The following ALS2 variants were observed in gnomAD, a reference collection of about 807,000 sequenced individuals.
The protein encoded by ALS2 is alsin.
Under a neutral mutation model 203.4 loss-of-function variants are expected in ALS2, and 117 were observed. That is an observed-to-expected ratio of 0.58 (90% CI 0.50 to 0.67). The LOEUF (loss-of-function observed/expected upper bound fraction) is 0.67. ALS2 is among the 30% of genes least tolerant of loss of function. The pLI is 0.00. For missense variants in ALS2, 1,715 were observed against 1,989.4 expected (o/e 0.86, Z 2.62); for synonymous variants, 718 against 725.9 (o/e 0.99, Z 0.17).
At chr2:201,729,865 G>A (rs1691438597) in intron 13 of ALS2, among the ~76,000 whole-genome samples, 1 of 117,808 alleles carries the variant, frequency 8.5e-6, no homozygotes, top group Non-Finnish European at 1.6e-5. Context: ...GGGCAACAGA[G>A]CGAGACTCCG....
At chr2:201,707,397 T>G (rs1689781003) in intron 28 of ALS2, among the ~76,000 whole-genome samples, 1 of 151,896 alleles carries the variant, frequency 6.6e-6, no homozygotes, top group African/African-American at 2.4e-5. Flanking sequence ...TTGAGAGAAC[T>G]AAGAGGGACC....
At chr2:201,773,216 T>C (rs1049641192) in intron 1 of ALS2, among the ~76,000 whole-genome samples, 1 of 152,222 alleles carries the variant, frequency 6.6e-6, no homozygotes, top group African/African-American at 2.4e-5. Flanking sequence ...ACCAATTTTA[T>C]GGTGAACACT....
At chr2:201,768,285 T>C (rs762909193) in intron 2 of ALS2, among the ~76,000 whole-genome samples, 1 of 152,226 alleles carries the variant, frequency 6.6e-6, no homozygotes, top group Non-Finnish European at 1.5e-5. Flanking sequence ...ACAAAACACA[T>C]AGCTGCACAG....
At chr2:201,714,050 G>A (rs756117362) in intron 25 of ALS2, among the ~76,000 whole-genome samples, 2 of 152,128 alleles carry the variant, frequency 1.3e-5, no homozygotes, top group Non-Finnish European at 2.9e-5. Flanking sequence ...GTGAGACCGA[G>A]GCAGGAGGAT....
rs559185350 is a variant in ALS2, at chr2:201,742,523, A to G, written c.2171-669T>C. Among the ~76,000 whole-genome samples the G allele has an allele frequency of 5.1e-4, 78 of 152,352 alleles. No homozygotes were observed. The Middle Eastern group carries it at 0.017, about 33-fold the overall frequency. ...CAAAGAAATCAGCAACCAGGACAGG[A>G]AAGAGGCAGATTTAACCTTTCTTTC... On this transcript the variant is annotated intron_variant, in intron 10 of 33. Transcript: ENST00000264276.
Position 201,705,444 on chromosome 2 carries a change from G to T in ALS2, c.4598C>A (p.Thr1533Asn), listed in dbSNP as rs1172412354. ...LGVQRKFWPA[T>N]LSILGESKKV... ...TTTACTCTCTCCAAGGATTGACAAG[G>T]TTGCTGGCCAAAATTTCCTATAATG... Residue 1533 changes from threonine (T) to asparagine (N), a missense_variant, in exon 30 of 34, where the codon ACC becomes AAC. Thr to Asn is a moderately conservative substitution (Grantham distance 65, BLOSUM62 0). Transcript: ENST00000264276. 6.2e-7 allele frequency: 1 copy of T among 1,613,466 alleles called. No homozygotes were observed. The highest frequency in any genetic ancestry group is 1.1e-5 in the South Asian group (1 of 91,022).
At chr2:201,773,111 T>G (rs1168945940) in intron 1 of ALS2, among the ~76,000 whole-genome samples, 3 of 152,232 alleles carry the variant, frequency 2.0e-5, no homozygotes, top group South Asian at 2.1e-4. Context: ...CTGCCCACCT[T>G]GGACTCCCAA....
intron 13 of ALS2, 118 bp downstream of exon 13, chr2:201,733,158 T>C (rs1456221658): frequency 2.7e-6 from 3 of 1,101,196 alleles, no homozygotes; most frequent in East Asian, 2.5e-5. Context: ...TTAAATTTAA[T>C]TAGACACAGG....
At chr2:201,760,533 T>A in intron 4 of ALS2, 2 of 1,045,714 alleles carry the variant, frequency 1.9e-6, no homozygotes, top group Non-Finnish European at 2.3e-6. Flanking sequence ...GTAAGAAGAA[T>A]CTTTGTGAAT....
In ALS2 at chr2:201,761,835, A is replaced by G. The variant is rs745421452; in HGVS notation, c.176-17T>C. On this transcript the variant is annotated splice_polypyrimidine_tract_variant and intron_variant, in intron 3 of 33. Coordinates refer to ENST00000264276, the MANE Select transcript of ALS2 (RefSeq NM_020919.4). ...CCTCACCATCTGAAGGTTAAAAAAAAGAAAAAAGAAAAAAAAAAGGGTTAG... is the reference window on the plus strand; with the variant it reads ...CCTCACCATCTGAAGGTTAAAAAAAGGAAAAAAGAAAAAAAAAAGGGTTAG... 1.2e-6 allele frequency: 2 copies of G among 1,612,220 alleles called. No individual in the cohort carries two copies. The highest frequency in any genetic ancestry group is 2.2e-5 in the South Asian group (2 of 90,846).
chr2:201,761,151 T>C lies in ALS2; in HGVS notation c.843A>G (p.Glu281=), dbSNP rs1332773507. Reference sequence around the variant, plus strand: ...ATACTTCTTCCTGCCTGTCAAGGGTTTCAGTGGAGGGGCTGAGAGCAGTGC... The same window carrying C: ...ATACTTCTTCCTGCCTGTCAAGGGTCTCAGTGGAGGGGCTGAGAGCAGTGC... ...HASTALSPST[E]TLDRQEEVFE... The change falls in exon 4 of 34, where the codon GAA becomes GAG. Residue 281 remains glutamate (E), a synonymous_variant. Transcript: ENST00000264276. 1 of 1,614,252 alleles carries C rather than the reference T, an allele frequency of 6.2e-7. No individual in the cohort carries two copies. Among genetic ancestry groups the C allele is most frequent in the Middle Eastern group, 1.6e-4 (1 of 6,062 alleles).
At chr2:201,744,111 A>G in intron 10 of ALS2, 147 bp downstream of exon 10, 2 of 876,648 alleles carry the variant, frequency 2.3e-6, no homozygotes, top group Non-Finnish European at 3.5e-6. Context: ...CAGTTTGTAA[A>G]TTGTTGACTA....
intron 5 of ALS2, among the ~76,000 whole-genome samples, chr2:201,756,007 A>G (rs1693362183): frequency 6.6e-6 from 1 of 152,184 alleles, no homozygotes; most frequent in Admixed American, 6.5e-5. Context: ...AACCTACTTG[A>G]AGATTCCTCA....
chr2:201,745,123 C>T (rs1692546678), intron 9 of ALS2, among the ~76,000 whole-genome samples: 1 of 152,194 alleles, frequency 6.6e-6, no homozygotes, highest in Non-Finnish European at 1.5e-5. Flanking sequence ...CCTATTTGAT[C>T]GTCTATCTAG....
In ALS2 at chr2:201,767,153, T is replaced by A. The variant is rs1694130908; in HGVS notation, c.175+76A>T. On this transcript the variant is annotated intron_variant, in intron 3 of 33. Transcript: ENST00000264276. ...AAAAGAACCCCTAGTATCCAATGAC[T>A]CCCATACCTGACCTTCCACACTCAG... The A allele has an allele frequency of 2.5e-6, 4 of 1,568,982 alleles. No individual in the cohort carries two copies. In the South Asian group the frequency reaches 4.4e-5, roughly 17 times the overall value.
chr2:201,733,487 A>G, intron 12 of ALS2, 49 bp from the exon 13 acceptor site: 1 of 1,531,300 alleles, frequency 6.5e-7, no homozygotes. Flanking sequence ...GGAATTGGTA[A>G]TATGTACATT....
At chr2:201,706,746 G>A in intron 29 of ALS2, 100 bp downstream of exon 29, 1 of 1,203,288 alleles carries the variant, frequency 8.3e-7, no homozygotes, top group Non-Finnish European at 1.2e-6. Flanking sequence ...ATAATTACAA[G>A]CCATATATAT....
chr2:201,723,575 A>T (rs1415515698), intron 21 of ALS2, 134 bp from the exon 22 acceptor site: 3 of 748,008 alleles, frequency 4.0e-6, no homozygotes, highest in African/African-American at 3.5e-5. Context: ...TAAAATAGTT[A>T]ACTTTGTCTC....
chr2:201,735,055 A>G (rs879601992), intron 12 of ALS2, among the ~76,000 whole-genome samples: 5 of 152,200 alleles, frequency 3.3e-5, no homozygotes, highest in Admixed American at 3.3e-4. Flanking sequence ...GACGTATGCT[A>G]CAACATGAAT....
Sources: gnomAD v4.1 joint callset for allele counts (sites outside exome capture counted in the v4.1 genomes callset) on GRCh38, gnomAD v4.1.1 for gene constraint, MANE v1.5 for transcripts, NCBI Gene and HGNC (gene_info 2026-07-23, HGNC 2026-07-21) for gene names.